The following NTM variants were observed in gnomAD, a reference collection of about 807,000 sequenced individuals.
The protein encoded by NTM is neurotrimin.
NTM carries 13 observed loss-of-function variants against 42.1 expected under a neutral mutation model. The ratio of observed to expected loss-of-function variants is 0.31; its 90% CI spans 0.20 to 0.49. The LOEUF (loss-of-function observed/expected upper bound fraction) is 0.49, where lower values mean the gene tolerates loss of function less well. Ranked by LOEUF, NTM falls within the 20% of genes least tolerant of loss-of-function variation. NTM has a pLI of 0.99. For synonymous variants in NTM, 187 were observed against 179.2 expected, an observed-to-expected ratio of 1.04 and a Z score of -0.35; for missense variants, 373 against 452.8, an observed-to-expected ratio of 0.82 and a Z score of 1.60.
chr11:131,982,702 G>C (rs56361772), intron 2 of NTM, among the ~76,000 whole-genome samples: 77,522 of 152,132 alleles, frequency 0.51, 22,052 homozygotes, highest in African/African-American at 0.77. Context: ...GATTTAGGTT[G>C]TTTTATTCAT....
chr11:131,424,361 C>A (rs1007335795), intron 1 of NTM, among the ~76,000 whole-genome samples: 3 of 152,022 alleles, frequency 2.0e-5, no homozygotes, highest in African/African-American at 4.8e-5. Flanking sequence ...CTCTTCCTTG[C>A]CTCTTCTGTA....
intron 1 of NTM, among the ~76,000 whole-genome samples, chr11:131,490,723 A>G (rs530445925): frequency 6.6e-6 from 1 of 152,366 alleles, no homozygotes; most frequent in Non-Finnish European, 1.5e-5. Context: ...AAAGTGAGAC[A>G]TTTTAACTGC....
At chr11:132,013,954 A>G (rs895240847) in intron 2 of NTM, among the ~76,000 whole-genome samples, 3 of 152,026 alleles carry the variant, frequency 2.0e-5, no homozygotes, top group African/African-American at 7.2e-5. Flanking sequence ...TTTACCATAC[A>G]CTGCTATTGA....
At chr11:132,189,641 T>TAC (rs35740557) in intron 3 of NTM, among the ~76,000 whole-genome samples, 62,089 of 149,080 alleles carry the variant, frequency 0.42, 13,464 homozygotes, top group Middle Eastern at 0.54. Context: ...TCACGGCAGA[T>TAC]ACACACACAC....
intron 2 of NTM, among the ~76,000 whole-genome samples, chr11:131,974,802 C>A (rs2064074467): frequency 6.6e-6 from 1 of 152,090 alleles, no homozygotes; most frequent in South Asian, 2.1e-4. Flanking sequence ...CTTAGCACTG[C>A]ATAATTATTA....
intron 1 of NTM, among the ~76,000 whole-genome samples, chr11:131,463,743 C>A (rs1010420934): frequency 6.6e-6 from 1 of 152,192 alleles, no homozygotes; most frequent in Non-Finnish European, 1.5e-5. Context: ...CTGAAATAGT[C>A]CATGTGGAAT....
chr11:131,483,710 G>A (rs1053634326), intron 1 of NTM, among the ~76,000 whole-genome samples: 3 of 152,192 alleles, frequency 2.0e-5, no homozygotes, highest in African/African-American at 4.8e-5. Flanking sequence ...CTGTCCCTCC[G>A]CTGCGTTTCA....
intron 2 of NTM, among the ~76,000 whole-genome samples, chr11:132,015,274 A>G (rs755143997): frequency 8.5e-5 from 13 of 152,050 alleles, no homozygotes; most frequent in Non-Finnish European, 1.5e-4. Context: ...TGCCAATACC[A>G]TGCTGTTTTT....
chr11:131,787,722 T>C (rs2136070763), intron 1 of NTM, among the ~76,000 whole-genome samples: 1 of 152,306 alleles, frequency 6.6e-6, no homozygotes, highest in African/African-American at 2.4e-5. Context: ...TTTTATTGTT[T>C]TCTATGCCAT....
At chr11:131,509,465 A>T (rs535621831) in intron 1 of NTM, among the ~76,000 whole-genome samples, 141 of 152,354 alleles carry the variant, frequency 9.3e-4, no homozygotes, top group Non-Finnish European at 1.1e-3. Context: ...TAATACAATG[A>T]GCACCTCTTA....
rs377129888 is a variant in NTM at position 131,735,149 on chromosome 11, A to G, written c.83-176415A>G. On this transcript the variant is annotated intron_variant, in intron 1 of 8. Coordinates refer to ENST00000683400, the MANE Select transcript of NTM (RefSeq NM_001352005.2). ...GTGTTGCAAGGCGGAGGGGGGAAAGATGAGGAAAAGCAAACGTTTTCATAA... is the reference window on the plus strand; with the variant it reads ...GTGTTGCAAGGCGGAGGGGGGAAAGGTGAGGAAAAGCAAACGTTTTCATAA... Among the ~76,000 whole-genome samples the G allele has an allele frequency of 2.6e-5, 4 of 152,338 alleles. No individual in the cohort carries two copies. The South Asian group carries it at 6.2e-4, about 24-fold the overall frequency.
At chr11:131,388,350 T>C (rs1310854607) in intron 1 of NTM, among the ~76,000 whole-genome samples, 1 of 152,052 alleles carries the variant, frequency 6.6e-6, no homozygotes, top group East Asian at 1.9e-4. Context: ...ACCAGATATA[T>C]TTAAATTCCT....
chr11:131,419,973 C>G (rs985187979), intron 1 of NTM, among the ~76,000 whole-genome samples: 3 of 152,166 alleles, frequency 2.0e-5, no homozygotes, highest in Admixed American at 6.5e-5. Context: ...CAACCTGCCC[C>G]TTCCTTTGGT....
At chr11:131,983,769 T>C (rs1229832434) in intron 2 of NTM, among the ~76,000 whole-genome samples, 1 of 152,146 alleles carries the variant, frequency 6.6e-6, no homozygotes, top group Admixed American at 6.6e-5. Context: ...CAATGAATGT[T>C]TCTGATTGTT....
intron 1 of NTM, among the ~76,000 whole-genome samples, chr11:131,432,839 C>CATTT (rs1565494793): frequency 4.7e-4 from 32 of 68,702 alleles, no homozygotes; most frequent in South Asian, 5.7e-4. Flanking sequence ...ATTTAGCATT[C>CATTT]TTTTTTTTTT....
chr11:131,917,183 G>C lies in NTM; in HGVS notation c.167+5535G>C, dbSNP rs143184463. 5.4e-4 allele frequency among the ~76,000 whole-genome samples: 82 copies of C among 152,356 alleles called. No individual in the cohort carries two copies. The East Asian group carries it at 0.015, about 27-fold the overall frequency. ...TGCTCTGTCTTGTTAGCAGTGTCTGGCGGATAGAAGGTGTTCAATAAATTT... is the reference window on the plus strand; with the variant it reads ...TGCTCTGTCTTGTTAGCAGTGTCTGCCGGATAGAAGGTGTTCAATAAATTT... On this transcript the variant is annotated intron_variant, in intron 2 of 8. Coordinates refer to ENST00000683400, the MANE Select transcript of NTM (RefSeq NM_001352005.2).
intron 2 of NTM, among the ~76,000 whole-genome samples, chr11:132,033,441 T>G (rs2076160890): frequency 6.6e-6 from 1 of 152,234 alleles, no homozygotes; most frequent in Non-Finnish European, 1.5e-5. Flanking sequence ...GTAGAAAGCT[T>G]TATTTCCAGG....
intron 1 of NTM, among the ~76,000 whole-genome samples, chr11:131,710,032 G>A (rs1461897723): frequency 6.6e-6 from 1 of 152,166 alleles, no homozygotes; most frequent in Non-Finnish European, 1.5e-5. Context: ...ACACACACTG[G>A]ATTAGCAATG....
intron 2 of NTM, among the ~76,000 whole-genome samples, chr11:131,935,935 T>C (rs1194648651): frequency 6.6e-6 from 1 of 152,132 alleles, no homozygotes; most frequent in East Asian, 1.9e-4. Flanking sequence ...AAATCAGCAT[T>C]AAAGTACCAG....
Sources: gnomAD v4.1 joint callset for allele counts (sites outside exome capture counted in the v4.1 genomes callset) on GRCh38, gnomAD v4.1.1 for gene constraint, MANE v1.5 for transcripts, NCBI Gene and HGNC (gene_info 2026-07-23, HGNC 2026-07-21) for gene names.